The following BCAS3 variants were observed in gnomAD, a reference collection of about 807,000 sequenced individuals.
BCAS3 encodes BCAS3 microtubule associated cell migration factor.
In BCAS3, 53 loss-of-function variants were observed where a neutral mutation model predicts 116.1. The observed-to-expected ratio is 0.46, with a 90% CI of 0.37 to 0.57. The LOEUF (loss-of-function observed/expected upper bound fraction) is 0.57, where lower values mean the gene tolerates loss of function less well. Ranked by LOEUF, BCAS3 falls within the 20% of genes least tolerant of loss-of-function variation. The pLI, the probability that BCAS3 is intolerant of heterozygous loss-of-function variation, is 0.00. For missense variants in BCAS3, 917 were observed against 1,165.4 expected (o/e 0.79, Z 3.10); for synonymous variants, 391 against 408.2 (o/e 0.96, Z 0.51).
chr17:61,322,824 G>GAGAGAC (rs1568850402), intron 22 of BCAS3, among the ~76,000 whole-genome samples: 1 of 117,972 alleles, frequency 8.5e-6, no homozygotes, highest in African/African-American at 3.3e-5. Flanking sequence ...GAGAGAGAGA[G>GAGAGAC]AGAGACAGAG....
chr17:61,071,134 T>G (rs999222316), intron 19 of BCAS3, among the ~76,000 whole-genome samples: 1 of 152,118 alleles, frequency 6.6e-6, no homozygotes, highest in African/African-American at 2.4e-5. Flanking sequence ...AGTGAAGAAT[T>G]TAGAAGGATA....
chr17:61,118,424 G>A lies in BCAS3; in HGVS notation c.2425+33860G>A, dbSNP rs1165908736. 1.3e-5 allele frequency among the ~76,000 whole-genome samples: 2 copies of A among 152,208 alleles called. No individual in the cohort carries two copies. Among genetic ancestry groups the A allele is most frequent in the East Asian group, 3.8e-4 (2 of 5,202 alleles). ...TGCCTCCTTACTGCCAAGCAGGGGT[G>A]AAAATCCAGACTCCCCATTTGTCCT... On this transcript the variant is annotated intron_variant, in intron 22 of 23. Coordinates refer to ENST00000407086, the MANE Select transcript of BCAS3 (RefSeq NM_017679.5). The surrounding 1 kb of genome is among the most constrained non-coding windows in gnomAD (Gnocchi z 5.0).
chr17:60,732,982 T>C lies in BCAS3; in HGVS notation c.322-14216T>C, dbSNP rs1441556880. 2.6e-5 allele frequency among the ~76,000 whole-genome samples: 4 copies of C among 152,348 alleles called. No homozygotes were observed. In the East Asian group the frequency reaches 7.7e-4, roughly 29 times the overall value. On this transcript the variant is annotated intron_variant, in intron 5 of 23. Transcript: ENST00000407086. The stretch of plus-strand genomic sequence containing the variant: ...GAGAGCTAAGGTACATTATGCTAAA[T>C]AACATTAAGGTAGAATAGTGAGACC...
intron 22 of BCAS3, among the ~76,000 whole-genome samples, chr17:61,305,442 C>G (rs181006077): frequency 1.4e-3 from 215 of 152,294 alleles, no homozygotes; most frequent in Non-Finnish European, 2.8e-3. Flanking sequence ...TTCAAATCCA[C>G]TGTTTGCCTC....
chr17:60,908,007 T>C (rs1417780994), intron 11 of BCAS3, among the ~76,000 whole-genome samples: 2 of 152,224 alleles, frequency 1.3e-5, no homozygotes, highest in Admixed American at 6.5e-5. Flanking sequence ...TCCAGCACTT[T>C]TCTCTAACAC....
chr17:60,910,799 A>G (rs1599622791), intron 12 of BCAS3, 97 bp downstream of exon 12: 5 of 1,147,222 alleles, frequency 4.4e-6, no homozygotes, highest in South Asian at 2.1e-5. Context: ...GAGATTATCA[A>G]TTTGGAATTT....
chr17:61,365,277 A>G lies in BCAS3; in HGVS notation c.2426-3050A>G, dbSNP rs1457415588. Among the ~76,000 whole-genome samples, 1 of 152,094 alleles carries G rather than the reference A, an allele frequency of 6.6e-6. No homozygotes were observed. The highest frequency in any genetic ancestry group is 2.4e-5 in the African/African-American group (1 of 41,412). The stretch of plus-strand genomic sequence containing the variant: ...ATTCCTCTGGCCTTTACCATCTCTT[A>G]TGGACTGGGCCCAACATCTTACCCT... On this transcript the variant is annotated intron_variant, in intron 22 of 23. Transcript: ENST00000407086. The surrounding 1 kb of genome is among the most constrained non-coding windows in gnomAD (Gnocchi z 4.6).
At chr17:61,076,924 C>G (rs1346890391) in intron 20 of BCAS3, among the ~76,000 whole-genome samples, 1 of 152,134 alleles carries the variant, frequency 6.6e-6, no homozygotes, top group African/African-American at 2.4e-5. Flanking sequence ...TGGACTCACA[C>G]AGGGCTACAC....
intron 7 of BCAS3, among the ~76,000 whole-genome samples, chr17:60,861,867 G>A (rs1445759043): frequency 1.3e-5 from 2 of 152,146 alleles, no homozygotes; most frequent in African/African-American, 4.8e-5. Flanking sequence ...TAGCTTTTCT[G>A]TGTGCTGCTG....
rs1374141291 is a variant in BCAS3, at chr17:61,265,045, A to G, written c.2426-103282A>G. ...ACTGTTTATTTTTATTAGCTGTGTA[A>G]TCTTATATAAATTATTTAACATTAG... is the stretch of plus-strand genomic sequence containing the variant. On this transcript the variant is annotated intron_variant, in intron 22 of 23. Coordinates refer to ENST00000407086, the MANE Select transcript of BCAS3 (RefSeq NM_017679.5). This position sits in a 1 kb window ranked among gnomAD's most constrained non-coding sequence, Gnocchi z 4.3. Among the ~76,000 whole-genome samples the G allele has an allele frequency of 6.6e-6, 1 of 152,180 alleles. No individual in the cohort carries two copies. The highest frequency in any genetic ancestry group is 1.9e-4 in the East Asian group (1 of 5,200).
intron 16 of BCAS3, among the ~76,000 whole-genome samples, chr17:61,031,299 C>T (rs2066619973): frequency 1.3e-5 from 2 of 151,930 alleles, no homozygotes; most frequent in South Asian, 4.1e-4. Flanking sequence ...TATCATTTTT[C>T]AATGTTTTAT....
At chr17:61,375,218 T>TTGTGTGTGTCTG (rs1555861737) in intron 23 of BCAS3, among the ~76,000 whole-genome samples, 1 of 142,680 alleles carries the variant, frequency 7.0e-6, no homozygotes, top group African/African-American at 2.7e-5. Flanking sequence ...AAAGCACTAT[T>TTGTGTGTGTCTG]TGTGTGTGTG....
At chr17:60,844,870 A>C (rs773810220) in intron 7 of BCAS3, among the ~76,000 whole-genome samples, 31 of 152,196 alleles carry the variant, frequency 2.0e-4, no homozygotes, top group Non-Finnish European at 5.9e-5. Context: ...TAAAAAAGTT[A>C]ATAAAGGTTT....
At chr17:60,778,143 C>T (rs974953573) in intron 6 of BCAS3, among the ~76,000 whole-genome samples, 33 of 151,818 alleles carry the variant, frequency 2.2e-4, no homozygotes, top group African/African-American at 6.8e-4. Flanking sequence ...ATCCTTTCAT[C>T]CTTTCAGTTT....
chr17:61,253,176 C>T (rs1303705159), intron 22 of BCAS3, among the ~76,000 whole-genome samples: 14 of 151,512 alleles, frequency 9.2e-5, no homozygotes, highest in Admixed American at 5.9e-4. Context: ...GAGCCCGGCC[C>T]GTTGCTATAC....
At position 61,229,725 on chromosome 17, in the gene BCAS3, G is replaced by C. The variant is rs2144424250; in HGVS notation, c.2426-138602G>C. ...TTTACATAGCTCTAATAGTAGAGGA[G>C]AGATGCTTTATGCATCCCTCTTACC... is the stretch of plus-strand genomic sequence containing the variant. On this transcript the variant is annotated intron_variant, in intron 22 of 23. Coordinates refer to ENST00000407086, the MANE Select transcript of BCAS3 (RefSeq NM_017679.5). The surrounding 1 kb of genome is among the most constrained non-coding windows in gnomAD (Gnocchi z 4.4). Among the ~76,000 whole-genome samples the C allele has an allele frequency of 6.6e-6, 1 of 152,286 alleles. No homozygotes were observed. Among genetic ancestry groups the C allele is most frequent in the South Asian group, 2.1e-4 (1 of 4,820 alleles).
intron 16 of BCAS3, among the ~76,000 whole-genome samples, chr17:61,024,092 T>C (rs960548215): frequency 2.6e-5 from 4 of 151,962 alleles, no homozygotes; most frequent in Admixed American, 2.6e-4. Flanking sequence ...GAGGGGAGAG[T>C]GAAGTCATAG....
chr17:60,722,420 T>C (rs895599466), intron 5 of BCAS3, among the ~76,000 whole-genome samples: 2 of 152,204 alleles, frequency 1.3e-5, no homozygotes, highest in East Asian at 3.8e-4. Flanking sequence ...TTTTTGATTT[T>C]GGCCATTCTG....
At chr17:60,705,600 T>A (rs1343504051) in intron 4 of BCAS3, among the ~76,000 whole-genome samples, 1 of 151,778 alleles carries the variant, frequency 6.6e-6, no homozygotes, top group Non-Finnish European at 1.5e-5. Context: ...TCAAGATATC[T>A]GTTTTGGAGA....
Sources: allele counts gnomAD v4.1 joint callset (sites outside exome capture counted in the v4.1 genomes callset), GRCh38; gene constraint gnomAD v4.1.1; non-coding constraint Gnocchi (gnomAD v3.1); transcripts MANE v1.5; gene names NCBI Gene and HGNC (gene_info 2026-07-23, HGNC 2026-07-21).